The following NDUFV3 variants were observed in gnomAD, a reference collection of about 807,000 sequenced individuals.
NDUFV3 encodes the protein NADH dehydrogenase [ubiquinone] flavoprotein 3, mitochondrial.
NDUFV3 carries 44 observed loss-of-function variants against 37.5 expected under a neutral mutation model. The ratio of observed to expected loss-of-function variants is 1.17; its 90% confidence interval spans 0.92 to 1.51. The LOEUF is 1.51. Among genes scored for constraint, NDUFV3 ranks in the 40% most tolerant of loss-of-function variants. The pLI, the probability that NDUFV3 is intolerant of heterozygous loss-of-function variation, is 0.00. For synonymous variants in NDUFV3, 235 were observed against 239.3 expected, an observed-to-expected ratio of 0.98 and a Z score of 0.17; for missense variants, 580 against 580.4, an observed-to-expected ratio of 1.00 and a Z score of 0.01.
chr21:42,908,930 A>G lies in NDUFV3; in HGVS notation c.1331A>G (p.Tyr444Cys), dbSNP rs781705285. 1.2e-6 allele frequency: 2 copies of G among 1,613,968 alleles called. No individual in the cohort carries two copies. Among genetic ancestry groups the G allele is most frequent in the African/African-American group, 1.3e-5 (1 of 74,900 alleles). ...TTYKNLQHHD[Y>C]STYTFLDLNL... ...TACAAGAACCTGCAGCATCATGACT[A>G]CAGCACGTACACCTTCTTAGACCTC... Residue 444 changes from tyrosine (Y) to cysteine (C), a missense_variant, in exon 4 of 4, where the codon TAC (tyrosine) becomes TGC (cysteine). By Grantham distance (194) the Tyr-to-Cys change is radical. Coordinates refer to ENST00000354250, the MANE Select transcript of NDUFV3 (RefSeq NM_021075.4).
chr21:42,909,029 C>A lies in NDUFV3; in HGVS notation c.*8C>A. 1.9e-6 allele frequency: 3 copies of A among 1,612,826 alleles called. No individual in the cohort carries two copies. Among genetic ancestry groups the A allele is most frequent in the Non-Finnish European group, 2.5e-6 (3 of 1,179,714 alleles). On this transcript the variant is annotated 3_prime_UTR_variant, in exon 4 of 4. Transcript: ENST00000354250. Reference sequence around the variant, plus strand: ...GAGTCACCTCGACACTGAGGGCCCTCGGTGTGAAGATGAACCTTCCACCGT... The same window carrying A: ...GAGTCACCTCGACACTGAGGGCCCTAGGTGTGAAGATGAACCTTCCACCGT...
At chr21:42,894,518 T>A (rs1479836788) in intron 1 of NDUFV3, among the ~76,000 whole-genome samples, 1 of 96,560 alleles carries the variant, frequency 1.0e-5, no homozygotes, top group African/African-American at 4.5e-5. Flanking sequence ...TATTTATATA[T>A]TATATATAAT....
At chr21:42,902,062 G>C (rs567145124) in intron 2 of NDUFV3, among the ~76,000 whole-genome samples, 1 of 152,092 alleles carries the variant, frequency 6.6e-6, no homozygotes, top group Non-Finnish European at 1.5e-5. Context: ...TACAAAATTA[G>C]CTGGGTGTGG....
chr21:42,899,353 T>A (rs1053699597), intron 2 of NDUFV3, among the ~76,000 whole-genome samples: 11 of 22,796 alleles, frequency 4.8e-4, no homozygotes, highest in African/African-American at 1.8e-3. Flanking sequence ...CACCACAACC[T>A]CTCCGCCTCC....
intron 2 of NDUFV3, among the ~76,000 whole-genome samples, chr21:42,897,844 T>C (rs2058700448): frequency 6.6e-6 from 1 of 151,742 alleles, no homozygotes; most frequent in South Asian, 2.1e-4. Context: ...GCCCAGCTAA[T>C]TTTTTACATT....
rs751591677 is a variant in NDUFV3, at chr21:42,903,820, A to G, written c.808A>G (p.Lys270Glu). 5 of 1,614,098 alleles carry G rather than the reference A, an allele frequency of 3.1e-6. No individual in the cohort carries two copies. The highest frequency in any genetic ancestry group is 3.3e-5 in the Admixed American group (2 of 60,012). The stretch of plus-strand genomic sequence containing the variant: ...AAGTTTAAAGGAAAAACAATTGCAG[A>G]AAACATTTAGATTAAATGAAATAGA... ...KQSLKEKQLQ[K>E]TFRLNEIDKE... Residue 270 changes from lysine to glutamate, a missense_variant, in exon 3 of 4, where the codon AAA (lysine) becomes GAA (glutamate). Lys to Glu is a moderately conservative substitution (Grantham distance 56). Coordinates refer to ENST00000354250, the MANE Select transcript of NDUFV3 (RefSeq NM_021075.4).
rs768567456 is a variant in NDUFV3 at position 42,903,459 on chromosome 21, G to A, written c.447G>A (p.Thr149=). 2.5e-6 allele frequency: 4 copies of A among 1,613,968 alleles called. No homozygotes were observed. Among genetic ancestry groups the A allele is most frequent in the Non-Finnish European group, 3.4e-6 (4 of 1,179,962 alleles). Reference sequence around the variant, plus strand: ...CTCGTCAGGTGGGTCGGAAAGTGACGTCGCCTTCGTCTTCATCCTCTTCCA... The same window carrying A: ...CTCGTCAGGTGGGTCGGAAAGTGACATCGCCTTCGTCTTCATCCTCTTCCA... The part of the protein sequence containing the change: ...SEARQVGRKV[T]SPSSSSSSSS... The change falls in exon 3 of 4, where the codon ACG becomes ACA. Residue 149 remains threonine, a synonymous_variant. Transcript: ENST00000354250.
rs973197625 is a variant in NDUFV3, at chr21:42,911,247, A to C, written c.*2226A>C. ...ACAGCGTGAGACTGCATCTCAAAAA[A>C]AAATTTTTTTTTTTAAATATCAAAA... On this transcript the variant is annotated 3_prime_UTR_variant, in exon 4 of 4. Coordinates refer to ENST00000354250, the MANE Select transcript of NDUFV3 (RefSeq NM_021075.4). 2 of 152,156 alleles carry C rather than the reference A, an allele frequency of 1.3e-5. No homozygotes were observed. Among genetic ancestry groups the C allele is most frequent in the African/African-American group, 4.8e-5 (2 of 41,438 alleles). The allele number at this position is 152,156 out of a possible 1,614,324, so 9.4% of individuals were successfully genotyped here. A position where few individuals can be genotyped will look rare whatever the true frequency, so the allele number is the denominator to read the frequency against.
rs2058756830 is a variant in NDUFV3 at position 42,909,135 on chromosome 21, CCT to C, written c.*115_*116del. On this transcript the variant is annotated 3_prime_UTR_variant, in exon 4 of 4. Transcript: ENST00000354250. ...CTGTGCATAATCGGTTTCACTTTTA[CCT>C]TTTTTTTTTTTTTTTTTTTTTTGAG... The C allele has an allele frequency of 2.5e-6, 2 of 789,150 alleles. No homozygotes were observed. Among genetic ancestry groups the C allele is most frequent in the South Asian group, 1.6e-5 (1 of 61,628 alleles). 48.9% of individuals were successfully genotyped at this position (789,150 alleles called of 1,614,324 possible).
intron 2 of NDUFV3, among the ~76,000 whole-genome samples, chr21:42,902,113 CA>C (rs567415843): frequency 2.3e-3 from 354 of 152,216 alleles, no homozygotes; most frequent in Non-Finnish European, 3.7e-3. Flanking sequence ...GAGGCTGAGG[CA>C]GCAGAATTGC....
chr21:42,896,783 G>C, intron 1 of NDUFV3, 144 bp from the exon 2 acceptor site: 1 of 729,144 alleles, frequency 1.4e-6, no homozygotes, highest in Non-Finnish European at 2.1e-6. Flanking sequence ...AGGCTGCAGT[G>C]AGCCATGATT....
Position 42,893,318 on chromosome 21 carries a change from G to C in NDUFV3, c.-16G>C, listed in dbSNP as rs1261170972. On this transcript the variant is annotated 5_prime_UTR_variant, in exon 1 of 4. Coordinates refer to ENST00000354250, the MANE Select transcript of NDUFV3 (RefSeq NM_021075.4). ...CAGCTGCTGTGGCCCTGCTTGGTGCGCCCGCTGTCACCGCCATGGCTGCCC... is the reference window on the plus strand; with the variant it reads ...CAGCTGCTGTGGCCCTGCTTGGTGCCCCCGCTGTCACCGCCATGGCTGCCC... The C allele has an allele frequency of 2.0e-6, 3 of 1,537,518 alleles. No individual in the cohort carries two copies. Among genetic ancestry groups the C allele is most frequent in the Non-Finnish European group, 2.6e-6 (3 of 1,146,298 alleles).
chr21:42,906,142 G>A (rs929042668), intron 3 of NDUFV3, among the ~76,000 whole-genome samples: 12 of 152,216 alleles, frequency 7.9e-5, no homozygotes, highest in African/African-American at 2.7e-4. Flanking sequence ...GGGATTTCAG[G>A]CGTGAGCCAC....
At chr21:42,904,406 C>G in intron 3 of NDUFV3, 130 bp downstream of exon 3, 3 of 1,264,164 alleles carry the variant, frequency 2.4e-6, no homozygotes, top group Non-Finnish European at 3.3e-6. Context: ...TGGCCTGTAA[C>G]GCTGTCTCAG....
intron 1 of NDUFV3, 80 bp downstream of exon 1, chr21:42,893,461 C>T: frequency 7.4e-6 from 11 of 1,486,368 alleles, no homozygotes; most frequent in Non-Finnish European, 1.0e-5. Flanking sequence ...CGGTGCTGGT[C>T]AGGTCCGGGC....
In NDUFV3 at chr21:42,903,210, G is replaced by C. The variant is rs1351923873; in HGVS notation, c.198G>C (p.Lys66Asn). The change falls in exon 3 of 4, where the codon AAG becomes AAC. Residue 66 changes from lysine (K) to asparagine (N), a missense_variant. Physicochemically the swap from Lys to Asn is moderately conservative, Grantham distance 94 (BLOSUM62 0). Coordinates refer to ENST00000354250, the MANE Select transcript of NDUFV3 (RefSeq NM_021075.4). ...KNVVEPKERGKLLATQTAAEL... is the reference protein window; with the variant it reads ...KNVVEPKERGNLLATQTAAEL... ...TAGTGGAACCAAAGGAGAGGGGCAA[G>C]CTCCTAGCCACCCAGACAGCAGCTG... 6.2e-7 allele frequency: 1 copy of C among 1,614,032 alleles called. No homozygotes were observed. Among genetic ancestry groups the C allele is most frequent in the Admixed American group, 1.7e-5 (1 of 59,980 alleles).
In NDUFV3 at chr21:42,893,373, G is replaced by A; in HGVS notation, c.40G>A (p.Ala14Thr). Residue 14 changes from alanine (A) to threonine (T), a missense_variant, in exon 1 of 4, where the codon GCG (alanine) becomes ACG (threonine). Coordinates refer to ENST00000354250, the MANE Select transcript of NDUFV3 (RefSeq NM_021075.4). ...TTTGCTGCGGCAAGGACGAGCCGGG[G>A]CGCTGAAGGTAAAGGAGGAGCCAGC... ...PCLLRQGRAG[A>T]LKTMLQEAQV... The A allele has an allele frequency of 3.3e-6, 5 of 1,537,866 alleles. No individual in the cohort carries two copies. The highest frequency in any genetic ancestry group is 2.2e-4 in the Middle Eastern group (1 of 4,528).
Position 42,903,797 on chromosome 21 carries a change from G to A in NDUFV3, c.785G>A (p.Ser262Asn). ...GTAGATGAAGAGTTTTTGAAGCAAA[G>A]TTTAAAGGAAAAACAATTGCAGAAA... is the stretch of plus-strand genomic sequence containing the variant. ...SQVDEEFLKQ[S>N]LKEKQLQKTF... is the part of the protein sequence containing the mutation. The change falls in exon 3 of 4, where the codon AGT (serine) becomes AAT (asparagine). Residue 262 changes from serine (S) to asparagine (N), a missense_variant. Physicochemically the swap from Ser to Asn is conservative, Grantham distance 46 (BLOSUM62 1). Coordinates refer to ENST00000354250, the MANE Select transcript of NDUFV3 (RefSeq NM_021075.4). 1.2e-6 allele frequency: 2 copies of A among 1,614,138 alleles called. No homozygotes were observed. Among genetic ancestry groups the A allele is most frequent in the South Asian group, 1.1e-5 (1 of 91,086 alleles).
At chr21:42,895,761 A>C (rs566129490) in intron 1 of NDUFV3, among the ~76,000 whole-genome samples, 2 of 152,152 alleles carry the variant, frequency 1.3e-5, no homozygotes, top group African/African-American at 4.8e-5. Context: ...TTGAAGTTTT[A>C]TTAAACCAAA....
Sources: allele counts gnomAD v4.1 joint callset (sites outside exome capture counted in the v4.1 genomes callset), GRCh38; gene constraint gnomAD v4.1.1; transcripts MANE v1.5; gene names NCBI Gene and HGNC (gene_info 2026-07-23, HGNC 2026-07-21).